Variants in ENKUR observed in about 807,000 individuals in gnomAD.
ENKUR encodes enkurin.
In ENKUR, 19 loss-of-function variants were observed where a neutral mutation model predicts 27.6. That is an observed-to-expected ratio of 0.69 (90% confidence interval 0.48 to 1.01). The LOEUF (loss-of-function observed/expected upper bound fraction) is 1.01. Among genes scored for constraint, ENKUR ranks in the 50% least tolerant of loss-of-function variants. ENKUR has a pLI of 0.00. For synonymous variants in ENKUR, 117 were observed against 96.9 expected (o/e 1.21, Z -1.22); for missense variants, 312 against 310.5 (o/e 1.00, Z -0.04).
chr10:24,984,384 A>G lies in ENKUR; in HGVS notation c.765-8T>C, dbSNP rs761160406. 7 of 1,362,582 alleles carry G rather than the reference A, an allele frequency of 5.1e-6. No homozygotes were observed. The East Asian group carries it at 1.0e-4, about 20-fold the overall frequency. The allele number at this position is 1,362,582 out of a possible 1,614,324, so 84.4% of individuals were successfully genotyped here. On this transcript the variant is annotated splice_polypyrimidine_tract_variant and splice_region_variant and intron_variant, in intron 5 of 5. Transcript: ENST00000331161. ...TGCTGTTGGTATCATGCGCTGCAGA[A>G]AAAAAAAAAAAAAAGTGAAGTTCTG...
At chr10:25,058,700 G>A (rs1166516509) in intron 2 of ENKUR, among the ~76,000 whole-genome samples, 2 of 152,116 alleles carry the variant, frequency 1.3e-5, no homozygotes, top group African/African-American at 4.8e-5. Context: ...GGAGGCGTAG[G>A]CGAGCTGATC....
At chr10:25,030,284 C>T (rs140751227) in intron 2 of ENKUR, among the ~76,000 whole-genome samples, 184 of 152,134 alleles carry the variant, frequency 1.2e-3, no homozygotes, top group African/African-American at 4.3e-3. Flanking sequence ...GTGATTTTAG[C>T]GTGTGCTTTT....
intron 2 of ENKUR, chr10:25,025,467 G>GT (rs1247945136): frequency 6.3e-7 from 1 of 1,585,142 alleles, no homozygotes; most frequent in African/African-American, 1.4e-5. Context: ...AGCTTTCAGA[G>GT]TAAATTTTTT....
At chr10:25,051,378 G>C (rs1851184813) in intron 2 of ENKUR, among the ~76,000 whole-genome samples, 1 of 152,202 alleles carries the variant, frequency 6.6e-6, no homozygotes, top group African/African-American at 2.4e-5. Context: ...AGAAATACCT[G>C]AGACTGGGTA....
chr10:24,993,776 G>A (rs1849978985), intron 3 of ENKUR, among the ~76,000 whole-genome samples: 1 of 152,164 alleles, frequency 6.6e-6, no homozygotes, highest in African/African-American at 2.4e-5. Flanking sequence ...TTTCCATGAT[G>A]GATACTCCAA....
intron 2 of ENKUR, among the ~76,000 whole-genome samples, chr10:25,047,842 A>T (rs571201170): frequency 2.0e-5 from 3 of 152,258 alleles, no homozygotes; most frequent in African/African-American, 7.2e-5. Flanking sequence ...TTCCTAAAAT[A>T]CATACATAGC....
At chr10:25,006,302 C>T (rs1396439876) in intron 1 of ENKUR, among the ~76,000 whole-genome samples, 1 of 152,088 alleles carries the variant, frequency 6.6e-6, no homozygotes, top group Non-Finnish European at 1.5e-5. Flanking sequence ...AGAAGTGCGG[C>T]TGAAATCTTT....
At chr10:24,998,385 C>A (rs969160828) in intron 2 of ENKUR, among the ~76,000 whole-genome samples, 13 of 107,702 alleles carry the variant, frequency 1.2e-4, no homozygotes, top group Admixed American at 4.0e-4. Flanking sequence ...CTCTCTCTTT[C>A]TTTTTTTGAG....
rs965645622 is a variant in ENKUR, at chr10:25,014,568, G to T, written c.77+1292C>A. On this transcript the variant is annotated intron_variant, in intron 1 of 5. Coordinates refer to ENST00000331161, the MANE Select transcript of ENKUR (RefSeq NM_145010.4). ...CAGTAAAGCTTTTTAATTTGCCAAAGAACAGAATACCTACCTAATAAAATA... is the reference window on the plus strand; with the variant it reads ...CAGTAAAGCTTTTTAATTTGCCAAATAACAGAATACCTACCTAATAAAATA... Among the ~76,000 whole-genome samples the T allele has an allele frequency of 2.6e-5, 4 of 151,698 alleles. No individual in the cohort carries two copies. The East Asian group carries it at 7.7e-4, about 29-fold the overall frequency.
In ENKUR at chr10:25,013,829, C is replaced by G. The variant is rs553158006; in HGVS notation, c.77+2031G>C. On this transcript the variant is annotated intron_variant, in intron 1 of 5. Transcript: ENST00000331161. ...TGGTAGCAGGGACCTGTAATCCCAGCTACTCGGGAGGCTGAGGCAGGAGAA... is the reference window on the plus strand; with the variant it reads ...TGGTAGCAGGGACCTGTAATCCCAGGTACTCGGGAGGCTGAGGCAGGAGAA... Among the ~76,000 whole-genome samples, 3 of 152,202 alleles carry G rather than the reference C, an allele frequency of 2.0e-5. No homozygotes were observed. In the East Asian group the frequency reaches 5.8e-4, roughly 29 times the overall value.
chr10:25,042,570 C>T (rs1333264194), intron 2 of ENKUR, among the ~76,000 whole-genome samples: 1 of 152,050 alleles, frequency 6.6e-6, no homozygotes, highest in Non-Finnish European at 1.5e-5. Context: ...GCTGAGATTA[C>T]AGATGTGAGC....
intron 1 of ENKUR, chr10:25,061,495 T>C (rs1318706848): frequency 8.9e-6 from 2 of 225,810 alleles, no homozygotes; most frequent in East Asian, 1.9e-4. Context: ...CATTTCTATT[T>C]TCAGGAAAAA....
chr10:25,016,378 T>TCCTAGTAGAGACGGCAAAG (rs1420056244), upstream of ENKUR, among the ~76,000 whole-genome samples: 1 of 152,114 alleles, frequency 6.6e-6, no homozygotes, highest in African/African-American at 2.4e-5. Flanking sequence ...AAAAGAAAAA[T>TCCTAGTAGAGACGGCAAAG]CCTAGTAGAG....
intron 2 of ENKUR, among the ~76,000 whole-genome samples, chr10:25,046,923 G>A (rs142020414): frequency 6.6e-6 from 1 of 152,272 alleles, no homozygotes; most frequent in East Asian, 1.9e-4. Context: ...GGATGTTTCA[G>A]TAGAAGCTAT....
intron 2 of ENKUR, among the ~76,000 whole-genome samples, chr10:25,059,703 C>T (rs1851305396): frequency 6.6e-6 from 1 of 152,092 alleles, no homozygotes; most frequent in Non-Finnish European, 1.5e-5. Flanking sequence ...CGCCTGTAAG[C>T]CTGGAACTTT....
intron 1 of ENKUR, among the ~76,000 whole-genome samples, chr10:25,000,471 T>G (rs1850161455): frequency 6.6e-6 from 1 of 152,168 alleles, no homozygotes; most frequent in East Asian, 1.9e-4. Context: ...AAATAGTTTT[T>G]GCTTTATGTA....
intron 2 of ENKUR, chr10:25,023,928 A>G (rs368763794): frequency 2.4e-5 from 38 of 1,614,196 alleles, no homozygotes; most frequent in Non-Finnish European, 3.1e-5. Flanking sequence ...TTTCAACAAG[A>G]CACGTTTGGC....
At chr10:25,007,430 A>G (rs142985597) in intron 1 of ENKUR, among the ~76,000 whole-genome samples, 4 of 150,778 alleles carry the variant, frequency 2.7e-5, no homozygotes, top group Non-Finnish European at 4.4e-5. Context: ...TTATTTATTT[A>G]TTTGTTTGTT....
intron 2 of ENKUR, among the ~76,000 whole-genome samples, chr10:25,055,612 A>G (rs1348788147): frequency 1.3e-5 from 2 of 151,986 alleles, no homozygotes; most frequent in Non-Finnish European, 2.9e-5. Flanking sequence ...CTACGTTGGA[A>G]TGATAACTTC....
Sources: allele counts gnomAD v4.1 joint callset (sites outside exome capture counted in the v4.1 genomes callset), GRCh38; gene constraint gnomAD v4.1.1; transcripts MANE v1.5; gene names NCBI Gene and HGNC (gene_info 2026-07-23, HGNC 2026-07-21).